Variants in NELL2 observed in about 807,000 individuals in gnomAD.
NELL2 encodes neural EGFL like 2.
A neutral mutation model predicts 109.6 loss-of-function variants in NELL2; 41 were observed. The observed-to-expected ratio is 0.37, with a 90% confidence interval of 0.29 to 0.49. The LOEUF (loss-of-function observed/expected upper bound fraction) is 0.49. Among genes scored for constraint, NELL2 ranks in the 20% least tolerant of loss-of-function variants. The pLI, the probability that NELL2 is intolerant of heterozygous loss-of-function variation, is 0.98. For missense variants in NELL2, 900 were observed against 1,008.3 expected, an observed-to-expected ratio of 0.89 and a Z score of 1.45; for synonymous variants, 355 against 344.7, an observed-to-expected ratio of 1.03 and a Z score of -0.33.
intron 13 of NELL2, among the ~76,000 whole-genome samples, chr12:44,624,653 T>A (rs761763630): frequency 6.6e-6 from 1 of 152,040 alleles, no homozygotes; most frequent in Non-Finnish European, 1.5e-5. Flanking sequence ...TAAGGTAAAG[T>A]GGGACAAGAG....
intron 11 of NELL2, among the ~76,000 whole-genome samples, chr12:44,706,196 A>G (rs1031329347): frequency 3.9e-5 from 6 of 152,216 alleles, no homozygotes; most frequent in African/African-American, 1.4e-4. Flanking sequence ...TTAAACACAA[A>G]TACTTGAAAA....
At chr12:44,681,303 T>C (rs539773680) in intron 12 of NELL2, among the ~76,000 whole-genome samples, 4 of 150,698 alleles carry the variant, frequency 2.7e-5, no homozygotes, top group Admixed American at 2.6e-4. Flanking sequence ...GTTGAAACAC[T>C]GTATACGTTT....
intron 15 of NELL2, among the ~76,000 whole-genome samples, chr12:44,579,641 T>C (rs115339091): frequency 0.014 from 2,177 of 152,326 alleles, 41 homozygotes; most frequent in African/African-American, 0.049. Flanking sequence ...CTACTAAATA[T>C]GACTTTAGTT....
intron 9 of NELL2, among the ~76,000 whole-genome samples, chr12:44,726,923 C>CGTA (rs112771130): frequency 0.075 from 11,373 of 152,030 alleles, 1,366 homozygotes; most frequent in African/African-American, 0.26. Flanking sequence ...ATTAAGTGTA[C>CGTA]AGGCTTAGCC....
intron 3 of NELL2, among the ~76,000 whole-genome samples, chr12:44,789,316 C>T (rs993310025): frequency 6.6e-6 from 1 of 152,178 alleles, no homozygotes; most frequent in Admixed American, 6.5e-5. Flanking sequence ...CAGACAATCC[C>T]CAGTACCAGT....
At chr12:44,771,827 C>A (rs1450936298) in intron 9 of NELL2, among the ~76,000 whole-genome samples, 1 of 152,158 alleles carries the variant, frequency 6.6e-6, no homozygotes, top group Non-Finnish European at 1.5e-5. Context: ...AAGGAAGCTG[C>A]AAAATAGGAC....
chr12:44,717,575 GA>G (rs1477818732), intron 9 of NELL2, among the ~76,000 whole-genome samples: 1 of 152,122 alleles, frequency 6.6e-6, no homozygotes, highest in Non-Finnish European at 1.5e-5. Flanking sequence ...TTAAGATTAA[GA>G]AAATAAACAA....
chr12:44,667,868 C>A (rs865776267), intron 12 of NELL2, among the ~76,000 whole-genome samples: 2 of 152,150 alleles, frequency 1.3e-5, no homozygotes, highest in South Asian at 2.1e-4. Flanking sequence ...ATAATCCTAG[C>A]CACAAAAGAG....
chr12:44,614,160 T>C (rs910231745), intron 13 of NELL2, among the ~76,000 whole-genome samples: 1 of 151,954 alleles, frequency 6.6e-6, no homozygotes, highest in Non-Finnish European at 1.5e-5. Context: ...TCAGTAAAAA[T>C]TTCATTGTTT....
chr12:44,809,649 G>A (rs1182375493), intron 3 of NELL2, among the ~76,000 whole-genome samples: 1 of 152,066 alleles, frequency 6.6e-6, no homozygotes, highest in Admixed American at 6.6e-5. Flanking sequence ...GCCAAATGAA[G>A]CTTTGTTCAT....
At chr12:44,754,592 G>A (rs1055630821) in intron 9 of NELL2, among the ~76,000 whole-genome samples, 10 of 152,084 alleles carry the variant, frequency 6.6e-5, no homozygotes, top group Middle Eastern at 3.4e-3. Context: ...TATATGCCAG[G>A]GATTCCTAGA....
intron 13 of NELL2, among the ~76,000 whole-genome samples, chr12:44,658,480 AG>A (rs1363181421): frequency 6.6e-6 from 1 of 151,088 alleles, no homozygotes; most frequent in Non-Finnish European, 1.5e-5. Flanking sequence ...GCTCATGGAT[AG>A]GAAGAATCAA....
In NELL2 at chr12:44,513,952, C is replaced by CAAA. The variant is rs150651038; in HGVS notation, c.2401-4971_2401-4969dup. 4.9e-4 allele frequency among the ~76,000 whole-genome samples: 60 copies of CAAA among 122,970 alleles called. 1 individual carries two copies. In the South Asian group the frequency reaches 0.013, roughly 27 times the overall value. 80.7% of individuals were successfully genotyped at this position (122,970 alleles called of 152,430 possible). ...AGCAAACACCAAAGAAAATAAAGAC[C>CAAA]AAAAAAAAAAAAAATTAGACCTAAG... On this transcript the variant is annotated intron_variant, in intron 19 of 19. Coordinates refer to ENST00000429094, the MANE Select transcript of NELL2 (RefSeq NM_001145108.2).
intron 13 of NELL2, among the ~76,000 whole-genome samples, chr12:44,635,157 A>T (rs1946590190): frequency 6.6e-6 from 1 of 152,004 alleles, no homozygotes; most frequent in South Asian, 2.1e-4. Context: ...AATTTGTTTA[A>T]GTTCCTAGTA....
chr12:44,772,201 T>C (rs1941577821), intron 9 of NELL2, among the ~76,000 whole-genome samples: 1 of 152,130 alleles, frequency 6.6e-6, no homozygotes, highest in African/African-American at 2.4e-5. Context: ...TTTCATAAAT[T>C]ATAACAGTGA....
rs1443880902 is a variant in NELL2, at chr12:44,779,712, C to T, written c.557G>A (p.Gly186Asp). 3 of 1,613,858 alleles carry T rather than the reference C, an allele frequency of 1.9e-6. No homozygotes were observed. Among genetic ancestry groups the T allele is most frequent in the Non-Finnish European group, 2.5e-6 (3 of 1,179,884 alleles). The change falls in exon 5 of 20, where the codon GGC (glycine) becomes GAC (aspartate). Residue 186 changes from glycine (G) to aspartate (D), a missense_variant. Gly to Asp is a moderately conservative substitution (Grantham distance 94). Around this residue, in one of 4 missense-constraint regions of NELL2, gnomAD observed 75 missense variants for 118.9 expected, o/e 0.63. Coordinates refer to ENST00000429094, the MANE Select transcript of NELL2 (RefSeq NM_001145108.2). ...TCTCTGTCCTAGCCAAAATGTTGTGCCTAGAGGCAAGTCTGTGGAGGGCTT... is the reference window on the plus strand; with the variant it reads ...TCTCTGTCCTAGCCAAAATGTTGTGTCTAGAGGCAAGTCTGTGGAGGGCTT... ...VEKPSTDLPL[G>D]TTFWLGQRNN... is the part of the protein sequence containing the mutation.
rs543756788 is a variant in NELL2, at chr12:44,606,511, C to T, written c.1663+658G>A. 3.9e-5 allele frequency among the ~76,000 whole-genome samples: 6 copies of T among 152,186 alleles called. No individual in the cohort carries two copies. In the South Asian group the frequency reaches 1.2e-3, roughly 32 times the overall value. On this transcript the variant is annotated intron_variant, in intron 15 of 19. Transcript: ENST00000429094. ...ATGATTTTAATTAGGACTTAATACT[C>T]AAAACATTTTTTTAAATTCCCAAGA... is the stretch of plus-strand genomic sequence containing the variant.
At chr12:44,531,297 T>C (rs1417977981) in intron 16 of NELL2, among the ~76,000 whole-genome samples, 1 of 152,232 alleles carries the variant, frequency 6.6e-6, no homozygotes, top group African/African-American at 2.4e-5. Context: ...TTTTAAAAGA[T>C]GATCTCCATT....
intron 9 of NELL2, among the ~76,000 whole-genome samples, chr12:44,742,124 C>T (rs951944469): frequency 9.2e-5 from 14 of 152,122 alleles, no homozygotes; most frequent in South Asian, 2.1e-4. Flanking sequence ...TCCAGAGGAA[C>T]GATCAGGCAG....
Sources: gnomAD v4.1 joint callset for allele counts (sites outside exome capture counted in the v4.1 genomes callset) on GRCh38, gnomAD v4.1.1 for gene constraint, gnomAD v4.1.1 regional missense constraint, MANE v1.5 for transcripts, NCBI Gene and HGNC (gene_info 2026-07-23, HGNC 2026-07-21) for gene names.